Variants in SLC26A8 observed in about 807,000 individuals in gnomAD.
The protein encoded by SLC26A8 is testis anion transporter 1.
SLC26A8 carries 70 observed loss-of-function variants against 105.0 expected under a neutral mutation model. The ratio of observed to expected loss-of-function variants is 0.67; its 90% CI spans 0.55 to 0.81. The LOEUF is 0.81. Among genes scored for constraint, SLC26A8 ranks in the 40% least tolerant of loss-of-function variants. The pLI, the probability that SLC26A8 is intolerant of heterozygous loss-of-function variation, is 0.00. For missense variants in SLC26A8, 998 were observed against 1,181.8 expected, an observed-to-expected ratio of 0.84 and a Z score of 2.28; for synonymous variants, 415 against 438.3, an observed-to-expected ratio of 0.95 and a Z score of 0.66.
intron 7 of SLC26A8, among the ~76,000 whole-genome samples, chr6:35,987,657 C>T (rs1773578812): frequency 6.6e-6 from 1 of 152,110 alleles, no homozygotes; most frequent in Non-Finnish European, 1.5e-5. Flanking sequence ...AGGCGTGAGC[C>T]ACCGCTCCCA....
chr6:36,012,211 A>C, intron 3 of SLC26A8, 22 bp downstream of exon 3: 1 of 1,608,144 alleles, frequency 6.2e-7, no homozygotes, highest in Non-Finnish European at 8.5e-7. Flanking sequence ...CTTTGGATGA[A>C]CAGGCTTCAT....
chr6:36,008,295 A>G (rs1251451161), intron 3 of SLC26A8, among the ~76,000 whole-genome samples: 1 of 151,918 alleles, frequency 6.6e-6, no homozygotes, highest in Non-Finnish European at 1.5e-5. Flanking sequence ...TCCTGTCTCT[A>G]AAAACAAAAC....
In SLC26A8 at chr6:35,997,852, T is replaced by C. The variant is rs1761399077; in HGVS notation, c.513A>G (p.Gln171=). ...VLKVSPFNNG[Q]LVMGSFVKNE... ...TCTTGACGAAAGATCCCATGACCAG[T>C]TGACCGTTGTTGAATGGGCTCACTT... The change falls in exon 5 of 20, where the codon CAA becomes CAG. Residue 171 remains glutamine (Q), a synonymous_variant. Transcript: ENST00000490799. 2 of 1,614,090 alleles carry C rather than the reference T, an allele frequency of 1.2e-6. No individual in the cohort carries two copies. Among genetic ancestry groups the C allele is most frequent in the Non-Finnish European group, 1.7e-6 (2 of 1,180,012 alleles).
chr6:36,021,408 A>G lies in SLC26A8; in HGVS notation c.-2-1699T>C, dbSNP rs896262774. ...CCGTATAATTGTCCAATGTACTTCCATGAGTAGTCTCTTTGTTCCCAGCAA... is the reference window on the plus strand; with the variant it reads ...CCGTATAATTGTCCAATGTACTTCCGTGAGTAGTCTCTTTGTTCCCAGCAA... On this transcript the variant is annotated intron_variant, in intron 1 of 19. Coordinates refer to ENST00000490799, the MANE Select transcript of SLC26A8 (RefSeq NM_052961.4). Among the ~76,000 whole-genome samples, 4 of 151,936 alleles carry G rather than the reference A, an allele frequency of 2.6e-5. No individual in the cohort carries two copies. In the East Asian group the frequency reaches 5.8e-4, roughly 22 times the overall value.
At chr6:35,972,621 C>T (rs1772840512) in intron 10 of SLC26A8, among the ~76,000 whole-genome samples, 1 of 152,182 alleles carries the variant, frequency 6.6e-6, no homozygotes, top group Non-Finnish European at 1.5e-5. Context: ...GAGGGCTTCT[C>T]AGCATTCCTA....
At chr6:35,959,408 ACTTG>A in intron 16 of SLC26A8, 48 bp downstream of exon 16, 1 of 1,552,424 alleles carries the variant, frequency 6.4e-7, no homozygotes, top group Non-Finnish European at 8.7e-7. Flanking sequence ...TGACTAGTGT[ACTTG>A]TTTATAAAAT....
At chr6:36,014,641 G>A (rs1761947532) in intron 2 of SLC26A8, among the ~76,000 whole-genome samples, 3 of 152,152 alleles carry the variant, frequency 2.0e-5, no homozygotes, top group African/African-American at 7.2e-5. Flanking sequence ...CAGCACTTTG[G>A]GAGGCCAAGG....
At chr6:35,974,435 C>T (rs1218686031) in intron 10 of SLC26A8, among the ~76,000 whole-genome samples, 1 of 152,234 alleles carries the variant, frequency 6.6e-6, no homozygotes, top group African/African-American at 2.4e-5. Context: ...TCTATGTATG[C>T]TTAACACATG....
intron 3 of SLC26A8, among the ~76,000 whole-genome samples, chr6:36,005,088 C>T (rs1761649199): frequency 6.6e-6 from 1 of 152,054 alleles, no homozygotes; most frequent in Admixed American, 6.5e-5. Flanking sequence ...ATTAAGTTAT[C>T]TAGTCTCATT....
chr6:36,011,878 G>C (rs1761867348), intron 3 of SLC26A8, among the ~76,000 whole-genome samples: 1 of 152,190 alleles, frequency 6.6e-6, no homozygotes, highest in Non-Finnish European at 1.5e-5. Flanking sequence ...CAAAGTGCTG[G>C]GATTACAGGC....
intron 2 of SLC26A8, among the ~76,000 whole-genome samples, chr6:36,015,188 A>C (rs140500214): frequency 6.3e-4 from 96 of 151,418 alleles, no homozygotes; most frequent in African/African-American, 2.1e-3. Context: ...GCTCACTGCA[A>C]CCTTTGCATT....
At chr6:36,021,304 T>C (rs1762120535) in intron 1 of SLC26A8, among the ~76,000 whole-genome samples, 1 of 152,100 alleles carries the variant, frequency 6.6e-6, no homozygotes, top group African/African-American at 2.4e-5. Context: ...GGTAGAACTG[T>C]ATATTGAAAT....
At position 35,962,636 on chromosome 6, in the gene SLC26A8, T is replaced by C. The variant is rs373091977; in HGVS notation, c.1366-15A>G. 6 of 1,612,352 alleles carry C rather than the reference T, an allele frequency of 3.7e-6. No individual in the cohort carries two copies. The highest frequency in any genetic ancestry group is 5.1e-6 in the Non-Finnish European group (6 of 1,178,712). ...GCCAGCACAGCCTGTGGGGAAAAGA[T>C]AAATCATGGTTCATTTTCCCTTTGG... On this transcript the variant is annotated splice_polypyrimidine_tract_variant and intron_variant, in intron 11 of 19. Transcript: ENST00000490799.
chr6:36,005,053 G>T (rs981808512), intron 3 of SLC26A8, among the ~76,000 whole-genome samples: 5 of 152,030 alleles, frequency 3.3e-5, no homozygotes, highest in African/African-American at 1.2e-4. Context: ...GAAGGTAAGA[G>T]AATTACTGGG....
intron 19 of SLC26A8, among the ~76,000 whole-genome samples, chr6:35,950,524 A>T (rs1215195741): frequency 6.6e-6 from 1 of 151,512 alleles, no homozygotes; most frequent in Admixed American, 6.6e-5. Context: ...TGATCTCATG[A>T]TCTACCTGCC....
chr6:35,977,686 G>A (rs1411667080), intron 8 of SLC26A8, among the ~76,000 whole-genome samples: 1 of 152,156 alleles, frequency 6.6e-6, no homozygotes, highest in Non-Finnish European at 1.5e-5. Context: ...ACAATAGGTG[G>A]ATATTTAAGG....
chr6:36,005,664 T>G (rs959012881), intron 3 of SLC26A8, among the ~76,000 whole-genome samples: 6 of 152,252 alleles, frequency 3.9e-5, no homozygotes, highest in African/African-American at 1.4e-4. Context: ...ATGCTCACAT[T>G]AATCACTTAG....
intron 7 of SLC26A8, among the ~76,000 whole-genome samples, chr6:35,984,610 C>T (rs1461983100): frequency 6.6e-6 from 1 of 152,162 alleles, no homozygotes; most frequent in African/African-American, 2.4e-5. Flanking sequence ...AAGGGTGAGA[C>T]ACCGAGCTTG....
chr6:35,974,323 A>T (rs985065569), intron 10 of SLC26A8, among the ~76,000 whole-genome samples: 3 of 152,198 alleles, frequency 2.0e-5, no homozygotes, highest in African/African-American at 4.8e-5. Flanking sequence ...GTCTCAAAAC[A>T]AAAACAAAAA....
Sources: allele counts gnomAD v4.1 joint callset (sites outside exome capture counted in the v4.1 genomes callset), GRCh38; gene constraint gnomAD v4.1.1; transcripts MANE v1.5; gene names NCBI Gene and HGNC (gene_info 2026-07-23, HGNC 2026-07-21).